Variants in CDYL observed in about 807,000 individuals in gnomAD.
The protein encoded by CDYL is chromodomain Y like, also known as chromodomain Y-like protein.
Under a neutral mutation model 47.3 loss-of-function variants are expected in CDYL, and 8 were observed. That is an observed-to-expected ratio of 0.17 (90% confidence interval 0.10 to 0.31). CDYL has a LOEUF of 0.31. Ranked by LOEUF, CDYL falls within the 10% of genes least tolerant of loss-of-function variation. The pLI, the probability that CDYL is intolerant of heterozygous loss-of-function variation, is 1.00. For missense variants in CDYL, 471 were observed against 701.4 expected, an observed-to-expected ratio of 0.67 and a Z score of 3.71; for synonymous variants, 266 against 265.0, an observed-to-expected ratio of 1.00 and a Z score of -0.04.
intron 3 of CDYL, among the ~76,000 whole-genome samples, chr6:4,736,697 A>T (rs1757710189): frequency 6.6e-6 from 1 of 151,108 alleles, no homozygotes; most frequent in Non-Finnish European, 1.5e-5. Context: ...TTAGCAACTT[A>T]GCTTTTTTTT....
At chr6:4,714,385 C>T (rs1317156170) in intron 1 of CDYL, 3 of 152,208 alleles carry the variant, frequency 2.0e-5, no homozygotes, top group Non-Finnish European at 4.4e-5. Flanking sequence ...ACTGCAGTGT[C>T]TCATCCAAAC....
At chr6:4,781,636 G>A (rs1190998176) in intron 1 of CDYL, among the ~76,000 whole-genome samples, 1 of 152,102 alleles carries the variant, frequency 6.6e-6, no homozygotes, top group African/African-American at 2.4e-5. Flanking sequence ...CAATTCCTGT[G>A]TACCAGAATA....
intron 3 of CDYL, among the ~76,000 whole-genome samples, chr6:4,738,114 T>A (rs994995346): frequency 3.9e-5 from 6 of 152,154 alleles, no homozygotes; most frequent in Non-Finnish European, 8.8e-5. Flanking sequence ...CAGGCTGGGC[T>A]CTATGGCTCC....
At chr6:4,864,672 G>C (rs1401248380) in intron 1 of CDYL, among the ~76,000 whole-genome samples, 1 of 152,060 alleles carries the variant, frequency 6.6e-6, no homozygotes, top group Non-Finnish European at 1.5e-5. Flanking sequence ...GATCTGATGG[G>C]TTTATCATGG....
chr6:4,761,316 G>A (rs895990232), intron 3 of CDYL, among the ~76,000 whole-genome samples: 1 of 152,118 alleles, frequency 6.6e-6, no homozygotes, highest in Non-Finnish European at 1.5e-5. Context: ...GTCAATCACA[G>A]AAATATTTTT....
chr6:4,730,755 A>G (rs9392632), intron 2 of CDYL, among the ~76,000 whole-genome samples: 21,156 of 150,702 alleles, frequency 0.14, 1,935 homozygotes, highest in African/African-American at 0.27. Context: ...CTGTGATTCC[A>G]ATAGTATTCT....
intron 1 of CDYL, among the ~76,000 whole-genome samples, chr6:4,857,631 T>C (rs943420294): frequency 1.3e-5 from 2 of 152,202 alleles, no homozygotes; most frequent in African/African-American, 2.4e-5. Flanking sequence ...TCTAAAAGTC[T>C]CCTGATAGGC....
At chr6:4,828,047 A>G (rs1462859006) in intron 1 of CDYL, among the ~76,000 whole-genome samples, 1 of 152,196 alleles carries the variant, frequency 6.6e-6, no homozygotes, top group Non-Finnish European at 1.5e-5. Context: ...TCATGTATTT[A>G]CCATTACCAG....
At chr6:4,790,126 T>C (rs766901715) in intron 1 of CDYL, among the ~76,000 whole-genome samples, 3 of 152,238 alleles carry the variant, frequency 2.0e-5, no homozygotes, top group Non-Finnish European at 4.4e-5. Context: ...TCCTCAGTTA[T>C]CTCTTTTGGA....
At position 4,889,554 on chromosome 6, in the gene CDYL, A is replaced by G. The variant is rs1044635798; in HGVS notation, c.25-2159A>G. 2.3e-4 allele frequency among the ~76,000 whole-genome samples: 35 copies of G among 152,286 alleles called. 1 individual carries two copies. The highest frequency in any genetic ancestry group is 8.4e-4 in the African/African-American group (35 of 41,564). ...TTTTTACTAGCTGGAAAAGATCAAAAGAATAATAATATTTTATGATGTGTG... is the reference window on the plus strand; with the variant it reads ...TTTTTACTAGCTGGAAAAGATCAAAGGAATAATAATATTTTATGATGTGTG... On this transcript the variant is annotated intron_variant, in intron 1 of 6. Transcript: ENST00000397588.
chr6:4,724,087 C>G (rs1159041542), intron 2 of CDYL, among the ~76,000 whole-genome samples: 4 of 152,296 alleles, frequency 2.6e-5, no homozygotes, highest in African/African-American at 9.6e-5. Context: ...CACCCAGGCT[C>G]TGGAGTGCAG....
chr6:4,852,582 A>T (rs1043913040), intron 1 of CDYL, among the ~76,000 whole-genome samples: 2 of 88,436 alleles, frequency 2.3e-5, no homozygotes, highest in African/African-American at 5.6e-5. Flanking sequence ...CTTCCTTCCA[A>T]TCTTCCTTCC....
upstream of CDYL, chr6:4,772,850 C>A: frequency 6.4e-6 from 2 of 312,222 alleles, no homozygotes; most frequent in South Asian, 5.7e-5. Flanking sequence ...ACGCCTTTGG[C>A]TCTGAGAATA....
intron 1 of CDYL, among the ~76,000 whole-genome samples, chr6:4,786,158 TGGGA>T (rs1758750589): frequency 6.6e-6 from 1 of 151,834 alleles, no homozygotes; most frequent in African/African-American, 2.4e-5. Flanking sequence ...GAGGTGGAGG[TGGGA>T]GGGAGGAGGA....
chr6:4,898,945 CTT>C (rs1342835979), intron 2 of CDYL, among the ~76,000 whole-genome samples: 4 of 152,192 alleles, frequency 2.6e-5, no homozygotes, highest in Non-Finnish European at 5.9e-5. Flanking sequence ...GGAGCCCTCT[CTT>C]GTGTAAAGCA....
At chr6:4,735,508 A>G (rs1312008715) in intron 3 of CDYL, among the ~76,000 whole-genome samples, 1 of 152,080 alleles carries the variant, frequency 6.6e-6, no homozygotes, top group East Asian at 1.9e-4. Context: ...TCATGGCTGT[A>G]ATCCTAGCCC....
At chr6:4,792,933 C>T (rs982252674) in intron 1 of CDYL, among the ~76,000 whole-genome samples, 12 of 151,960 alleles carry the variant, frequency 7.9e-5, no homozygotes, top group Admixed American at 2.0e-4. Flanking sequence ...GTAAATAGAC[C>T]ATCTCTCCCC....
chr6:4,721,572 T>C (rs4373400), intron 2 of CDYL, among the ~76,000 whole-genome samples: 69,711 of 151,782 alleles, frequency 0.46, 16,998 homozygotes, highest in African/African-American at 0.64. Flanking sequence ...TTAGCAGAGA[T>C]GGTTTTGCCC....
At chr6:4,926,154 G>T (rs1178290881) in intron 2 of CDYL, among the ~76,000 whole-genome samples, 1 of 152,130 alleles carries the variant, frequency 6.6e-6, no homozygotes, top group Non-Finnish European at 1.5e-5. Context: ...ATTTGTAAAG[G>T]ATTTATTTAA....
Sources: gnomAD v4.1 joint callset for allele counts (sites outside exome capture counted in the v4.1 genomes callset) on GRCh38, gnomAD v4.1.1 for gene constraint, MANE v1.5 for transcripts, NCBI Gene and HGNC (gene_info 2026-07-23, HGNC 2026-07-21) for gene names.